The following ZNF385D variants were observed in gnomAD, a reference collection of about 807,000 sequenced individuals.
ZNF385D encodes the protein zinc finger protein 385D, also known as zinc finger protein 659.
In ZNF385D, 15 loss-of-function variants were observed where a neutral mutation model predicts 35.8. The ratio of observed to expected loss-of-function variants is 0.42; its 90% CI spans 0.28 to 0.64. ZNF385D has a LOEUF of 0.64. ZNF385D is among the 30% of genes least tolerant of loss of function. The probability of loss-of-function intolerance (pLI) is 0.23; values close to 1 mark genes in which losing one functional copy is unlikely to be tolerated. For synonymous variants in ZNF385D, 212 were observed against 186.8 expected (o/e 1.13, Z -1.10); for missense variants, 474 against 494.6 (o/e 0.96, Z 0.39).
chr3:22,340,100 A>G (rs1391457472), intron 2 of ZNF385D, among the ~76,000 whole-genome samples: 3 of 152,256 alleles, frequency 2.0e-5, no homozygotes, highest in Non-Finnish European at 4.4e-5. Flanking sequence ...ATTAAGTATT[A>G]TCCATGAATG....
intron 3 of ZNF385D, among the ~76,000 whole-genome samples, chr3:21,555,648 A>G (rs1015622367): frequency 2.0e-5 from 3 of 152,134 alleles, no homozygotes; most frequent in African/African-American, 2.4e-5. Flanking sequence ...AGTCTTTGCT[A>G]TTGTGAATAG....
At chr3:21,815,072 C>T (rs1271213925) in intron 3 of ZNF385D, among the ~76,000 whole-genome samples, 2 of 152,164 alleles carry the variant, frequency 1.3e-5, no homozygotes, top group Non-Finnish European at 2.9e-5. Context: ...ACAACCTGCT[C>T]CTGAATGGCT....
chr3:22,292,336 G>A (rs914981928), intron 2 of ZNF385D, among the ~76,000 whole-genome samples: 11 of 151,644 alleles, frequency 7.3e-5, no homozygotes, highest in African/African-American at 1.7e-4. Context: ...TTTTTATCTC[G>A]TTTCTTTAGA....
intron 2 of ZNF385D, among the ~76,000 whole-genome samples, chr3:22,367,735 G>A (rs546708547): frequency 1.6e-4 from 25 of 152,060 alleles, no homozygotes; most frequent in Admixed American, 3.3e-4. Context: ...AGAAGCAAAG[G>A]AAAAAGAAGT....
At chr3:22,128,827 T>G (rs888446678) in intron 3 of ZNF385D, among the ~76,000 whole-genome samples, 2 of 152,198 alleles carry the variant, frequency 1.3e-5, no homozygotes, top group African/African-American at 4.8e-5. Flanking sequence ...TCACTGAGCT[T>G]CCTCAAAACA....
chr3:21,910,384 T>A (rs1183624181), intron 3 of ZNF385D, among the ~76,000 whole-genome samples: 1 of 152,040 alleles, frequency 6.6e-6, no homozygotes, highest in Non-Finnish European at 1.5e-5. Context: ...ATTTCTCAGC[T>A]GAACAATCTT....
intron 2 of ZNF385D, among the ~76,000 whole-genome samples, chr3:21,636,400 A>ATGATTT (rs1426416043): frequency 4.5e-4 from 19 of 41,940 alleles, no homozygotes; most frequent in African/African-American, 1.8e-3. Flanking sequence ...ATATATATAT[A>ATGATTT]TATATATATA....
chr3:22,156,831 T>A (rs1705621658), intron 3 of ZNF385D, among the ~76,000 whole-genome samples: 1 of 152,098 alleles, frequency 6.6e-6, no homozygotes, highest in Non-Finnish European at 1.5e-5. Flanking sequence ...TGATTCTGAA[T>A]CAGGGATTTT....
chr3:21,983,144 ATTTTATTT>A (rs1694593145), intron 3 of ZNF385D, among the ~76,000 whole-genome samples: 1 of 138,930 alleles, frequency 7.2e-6, no homozygotes, highest in Admixed American at 7.0e-5. Context: ...TCAATTTTTT[ATTTTATTT>A]TATTTTATTT....
rs2062116370 is a variant in ZNF385D at position 21,539,313 on chromosome 3, G to T, written c.276+25261C>A. Among the ~76,000 whole-genome samples, 1 of 151,980 alleles carries T rather than the reference G, an allele frequency of 6.6e-6. No homozygotes were observed. The highest frequency in any genetic ancestry group is 2.1e-4 in the South Asian group (1 of 4,820). ...CTTTCTCATTAATTGATGCCATTTT[G>T]CCCTGGTTTTGTTTCACGGATTAAA... On this transcript the variant is annotated intron_variant, in intron 3 of 7. Transcript: ENST00000281523. The surrounding 1 kb of genome is among the most constrained non-coding windows in gnomAD (Gnocchi z 4.0).
intron 3 of ZNF385D, among the ~76,000 whole-genome samples, chr3:22,109,927 A>T (rs959285903): frequency 2.0e-5 from 3 of 152,124 alleles, no homozygotes; most frequent in African/African-American, 7.2e-5. Flanking sequence ...TCTACAATGA[A>T]CTCAAACAAA....
chr3:21,675,337 G>A (rs1016552684), intron 1 of ZNF385D, among the ~76,000 whole-genome samples: 26 of 151,778 alleles, frequency 1.7e-4, no homozygotes, highest in Non-Finnish European at 2.9e-4. Context: ...CTTGATTCCC[G>A]TGGCATAAAA....
rs926701638 is a variant in ZNF385D at position 22,050,867 on chromosome 3, G to C, written c.325+117950C>G. 9.3e-5 allele frequency among the ~76,000 whole-genome samples: 9 copies of C among 96,802 alleles called. 3 individuals carry two copies. Among genetic ancestry groups the C allele is most frequent in the African/African-American group, 3.3e-4 (9 of 27,010 alleles). The allele number at this position is 96,802 out of a possible 152,430, so 63.5% of individuals were successfully genotyped here. ...CTTTTCTGACCCTTAAAAATTCAATGTGTTATAATTTCTGTTCTTTTACAT... is the reference window on the plus strand; with the variant it reads ...CTTTTCTGACCCTTAAAAATTCAATCTGTTATAATTTCTGTTCTTTTACAT... On this transcript the variant is annotated intron_variant, in intron 3 of 5. Transcript: ENST00000494108.
chr3:22,110,659 G>A (rs1396873849), intron 3 of ZNF385D, among the ~76,000 whole-genome samples: 1 of 151,692 alleles, frequency 6.6e-6, no homozygotes, highest in Middle Eastern at 3.4e-3. Context: ...GAGTGGGGAG[G>A]GACAGCATTT....
chr3:22,245,653 T>C (rs1172440394), intron 2 of ZNF385D, among the ~76,000 whole-genome samples: 14 of 151,334 alleles, frequency 9.3e-5, no homozygotes, highest in Non-Finnish European at 1.5e-4. Context: ...AATAGACGGG[T>C]GTGTGCTGCT....
At chr3:22,160,448 C>A (rs370922682) in intron 3 of ZNF385D, among the ~76,000 whole-genome samples, 2 of 151,726 alleles carry the variant, frequency 1.3e-5, no homozygotes, top group African/African-American at 4.8e-5. Context: ...GCCTGAAGTA[C>A]GATAAAAATC....
chr3:22,318,496 T>C (rs1559517033), intron 2 of ZNF385D, among the ~76,000 whole-genome samples: 1 of 152,068 alleles, frequency 6.6e-6, no homozygotes, highest in Non-Finnish European at 1.5e-5. Flanking sequence ...GAGAATAAAC[T>C]AGGAGATAAA....
intron 3 of ZNF385D, among the ~76,000 whole-genome samples, chr3:22,152,568 A>G (rs1705310498): frequency 6.6e-6 from 1 of 152,022 alleles, no homozygotes; most frequent in Admixed American, 6.6e-5. Context: ...GCATTCCTTG[A>G]TCCCTTCCTC....
chr3:21,628,788 G>C (rs1227072863), intron 2 of ZNF385D, among the ~76,000 whole-genome samples: 1 of 152,002 alleles, frequency 6.6e-6, no homozygotes, highest in Non-Finnish European at 1.5e-5. Context: ...ACAAAAGTGG[G>C]AATAGAAGCA....
Sources: gnomAD v4.1 joint callset for allele counts (sites outside exome capture counted in the v4.1 genomes callset) on GRCh38, gnomAD v4.1.1 for gene constraint, Gnocchi (gnomAD v3.1) non-coding constraint, MANE v1.5 for transcripts, NCBI Gene and HGNC (gene_info 2026-07-23, HGNC 2026-07-21) for gene names.